Variants in TBL1X observed in about 807,000 individuals in gnomAD.
The protein encoded by TBL1X is transducin beta like 1 X-linked.
A neutral mutation model predicts 50.7 loss-of-function variants in TBL1X; 10 were observed. That is an observed-to-expected ratio of 0.20 (90% CI 0.12 to 0.33). The LOEUF (loss-of-function observed/expected upper bound fraction) is 0.33. Ranked by LOEUF, TBL1X falls within the 10% of genes least tolerant of loss-of-function variation. The probability of loss-of-function intolerance (pLI) is 1.00; values close to 1 mark genes in which losing one functional copy is unlikely to be tolerated. For missense variants in TBL1X, 340 were observed against 504.4 expected, an observed-to-expected ratio of 0.67 and a Z score of 3.12; for synonymous variants, 190 against 214.7, an observed-to-expected ratio of 0.88 and a Z score of 1.01.
At chrX:9,600,867 A>G (rs2082553203) in intron 2 of TBL1X, among the ~76,000 whole-genome samples, 1 of 111,424 alleles carries the variant, frequency 9.0e-6, no homozygotes, top group Non-Finnish European at 1.9e-5. Context: ...ATTCCGGAGG[A>G]TGACAGAGGC....
At chrX:9,630,461 T>G (rs5979139) in intron 2 of TBL1X, among the ~76,000 whole-genome samples, 4,839 of 111,904 alleles carry the variant, frequency 0.043, 278 homozygotes, top group African/African-American at 0.15. Context: ...AATAGTGTCC[T>G]ATTTGCATAT....
intron 5 of TBL1X, among the ~76,000 whole-genome samples, chrX:9,665,516 TATATATATATATATATATATATAA>T (rs1405447111): frequency 7.9e-4 from 43 of 54,181 alleles, no homozygotes; most frequent in African/African-American, 2.7e-3. Flanking sequence ...TATATATATA[TATATATATATATATATATATATAA>T]AAGGCCTTGG....
Position 9,717,928 on chromosome X carries a change from A to T in TBL1X, c.*1682A>T, listed in dbSNP as rs2083288946. 8.9e-6 allele frequency: 1 copy of T among 112,036 alleles called. No homozygotes were observed. Among genetic ancestry groups the T allele is most frequent in the South Asian group, 3.7e-4 (1 of 2,709 alleles). The allele number at this position is 112,036 out of a possible 1,213,427, so 9.2% of individuals were successfully genotyped here. A position where few individuals can be genotyped will look rare whatever the true frequency, so the allele number is the denominator to read the frequency against. On this transcript the variant is annotated 3_prime_UTR_variant, in exon 18 of 18. Transcript: ENST00000645353. Reference sequence around the variant, plus strand: ...TTTAAATAATCTTTTTGCTGTTTTTAAAAAATTAAACAAGGCTTTGTGTTC... The same window carrying T: ...TTTAAATAATCTTTTTGCTGTTTTTTAAAAATTAAACAAGGCTTTGTGTTC...
chrX:9,475,444 C>T (rs976591644), intron 1 of TBL1X, among the ~76,000 whole-genome samples: 5 of 110,243 alleles, frequency 4.5e-5, no homozygotes, highest in African/African-American at 1.6e-4. Flanking sequence ...TGTGGTTTCA[C>T]CATGTTGGCC....
chrX:9,533,892 A>G (rs2082174582), intron 2 of TBL1X, among the ~76,000 whole-genome samples: 2 of 111,263 alleles, frequency 1.8e-5, no homozygotes, highest in African/African-American at 3.3e-5. Flanking sequence ...AGAGCCAGGG[A>G]TGCTTGCACC....
Position 9,685,124 on chromosome X carries a change from G to C in TBL1X, c.357+936G>C, listed in dbSNP as rs768597755. On this transcript the variant is annotated intron_variant, in intron 6 of 17. Coordinates refer to ENST00000645353, the MANE Select transcript of TBL1X (RefSeq NM_005647.4). ...TGGAACCCCTCCCACTTTTTACATT[G>C]GTCCACAGTGAGGAGTTGTGCCAAT... is the stretch of plus-strand genomic sequence containing the variant. Among the ~76,000 whole-genome samples the C allele has an allele frequency of 2.2e-4, 25 of 111,916 alleles. No homozygotes were observed. In the South Asian group the frequency reaches 2.6e-3, roughly 12 times the overall value.
At chrX:9,610,638 T>A (rs1189211415) in intron 2 of TBL1X, among the ~76,000 whole-genome samples, 1 of 112,469 alleles carries the variant, frequency 8.9e-6, no homozygotes, top group Admixed American at 9.4e-5. Flanking sequence ...CTCCTTTGAC[T>A]GCTTTAGGGC....
chrX:9,533,648 G>C (rs1411157197), intron 2 of TBL1X, among the ~76,000 whole-genome samples: 3 of 111,094 alleles, frequency 2.7e-5, no homozygotes, highest in Non-Finnish European at 5.7e-5. Flanking sequence ...GCAGACAGCA[G>C]ACCCCAAGTA....
At chrX:9,682,287 C>G in intron 5 of TBL1X, among the ~76,000 whole-genome samples, 1 of 112,001 alleles carries the variant, frequency 8.9e-6, no homozygotes, top group Non-Finnish European at 1.9e-5. Flanking sequence ...GGCTTATATC[C>G]TCCAAAAACA....
chrX:9,697,286 T>C, intron 11 of TBL1X, 83 bp from the exon 12 acceptor site: 3 of 1,139,408 alleles, frequency 2.6e-6, no homozygotes, highest in Non-Finnish European at 3.6e-6. Context: ...GGAGAAGGGC[T>C]GTCTTTTCTT....
chrX:9,563,643 A>G (rs946075761), intron 2 of TBL1X, among the ~76,000 whole-genome samples: 5 of 112,705 alleles, frequency 4.4e-5, no homozygotes, highest in African/African-American at 1.6e-4. Flanking sequence ...AGTAAAATGT[A>G]AAATTCAGTT....
chrX:9,600,030 C>T (rs959139655), intron 2 of TBL1X, among the ~76,000 whole-genome samples: 5 of 111,525 alleles, frequency 4.5e-5, no homozygotes, highest in African/African-American at 9.8e-5. Flanking sequence ...GATGGGAAAT[C>T]AATGTTTGAC....
chrX:9,487,104 A>C (rs1305801311), intron 1 of TBL1X, among the ~76,000 whole-genome samples: 1 of 111,842 alleles, frequency 8.9e-6, no homozygotes, highest in Non-Finnish European at 1.9e-5. Flanking sequence ...ACTTGTAATC[A>C]TTGGCTAATA....
chrX:9,601,627 C>T (rs1312860337), intron 2 of TBL1X, among the ~76,000 whole-genome samples: 1 of 111,782 alleles, frequency 8.9e-6, no homozygotes, highest in Non-Finnish European at 1.9e-5. Context: ...CCCTTCCCAC[C>T]CCTCTGGCCA....
At chrX:9,650,602 C>G (rs2082828477) in intron 3 of TBL1X, among the ~76,000 whole-genome samples, 1 of 111,672 alleles carries the variant, frequency 9.0e-6, no homozygotes, top group African/African-American at 3.3e-5. Flanking sequence ...CCACGGGACT[C>G]CAGATTCATG....
At chrX:9,680,686 G>A (rs997224090) in intron 5 of TBL1X, among the ~76,000 whole-genome samples, 1 of 111,622 alleles carries the variant, frequency 9.0e-6, no homozygotes, top group Non-Finnish European at 1.9e-5. Context: ...GATCCATTCA[G>A]AGAAATGCAG....
chrX:9,537,690 C>G (rs759382065), intron 2 of TBL1X, among the ~76,000 whole-genome samples: 171 of 112,888 alleles, frequency 1.5e-3, no homozygotes, highest in African/African-American at 5.2e-3. Flanking sequence ...ATGGACTACA[C>G]TCTGTTTATC....
intron 2 of TBL1X, among the ~76,000 whole-genome samples, chrX:9,518,517 G>C (rs992824612): frequency 1.8e-5 from 2 of 112,276 alleles, no homozygotes; most frequent in African/African-American, 6.5e-5. Flanking sequence ...CCTGGGAGAG[G>C]TAATACATTA....
chrX:9,665,891 T>A (rs2082928129), intron 5 of TBL1X, among the ~76,000 whole-genome samples: 1 of 110,652 alleles, frequency 9.0e-6, no homozygotes, highest in African/African-American at 3.3e-5. Flanking sequence ...AGCCTGTGTG[T>A]GTAATAACTA....
Sources: allele counts gnomAD v4.1 joint callset (sites outside exome capture counted in the v4.1 genomes callset), GRCh38; gene constraint gnomAD v4.1.1; transcripts MANE v1.5; gene names NCBI Gene and HGNC (gene_info 2026-07-23, HGNC 2026-07-21).